Variants in PPIP5K2 observed in about 807,000 individuals in gnomAD.
The protein encoded by PPIP5K2 is inositol hexakisphosphate and diphosphoinositol-pentakisphosphate kinase 2.
A neutral mutation model predicts 154.6 loss-of-function variants in PPIP5K2; 105 were observed. The observed-to-expected ratio is 0.68, with a 90% confidence interval of 0.58 to 0.80. PPIP5K2 has a LOEUF of 0.80. Ranked by LOEUF, PPIP5K2 falls within the 30% of genes least tolerant of loss-of-function variation. PPIP5K2 has a pLI of 0.00. For missense variants in PPIP5K2, 992 were observed against 1,504.6 expected (o/e 0.66, Z 5.64); for synonymous variants, 480 against 490.3 (o/e 0.98, Z 0.28).
At chr5:103,151,511 A>T in intron 9 of PPIP5K2, 137 bp downstream of exon 9, 1 of 656,924 alleles carries the variant, frequency 1.5e-6, no homozygotes, top group Non-Finnish European at 2.5e-6. Context: ...ACCCCCAGAG[A>T]CTATGCCAGA....
chr5:103,124,340 G>A (rs150062619), intron 1 of PPIP5K2, among the ~76,000 whole-genome samples: 126 of 151,228 alleles, frequency 8.3e-4, no homozygotes, highest in African/African-American at 3.0e-3. Context: ...TGACAGAAAT[G>A]TATTTGAATT....
chr5:103,159,773 T>C (rs190264066), intron 17 of PPIP5K2, among the ~76,000 whole-genome samples: 15 of 152,318 alleles, frequency 9.8e-5, no homozygotes, highest in Admixed American at 8.5e-4. Context: ...TCCTTATTTA[T>C]TTGTGATGAG....
intron 2 of PPIP5K2, among the ~76,000 whole-genome samples, chr5:103,131,542 A>T (rs1790615962): frequency 6.6e-6 from 1 of 152,088 alleles, no homozygotes; most frequent in Non-Finnish European, 1.5e-5. Context: ...AATTTATTTT[A>T]TTATTACTGT....
At chr5:103,151,396 T>C (rs1461127529) in intron 9 of PPIP5K2, 22 bp downstream of exon 9, 3 of 1,557,594 alleles carry the variant, frequency 1.9e-6, no homozygotes, top group Non-Finnish European at 1.8e-6. Context: ...TAAATTTTTC[T>C]TTTTACCTTC....
intron 28 of PPIP5K2, 26 bp downstream of exon 28, chr5:103,187,402 A>G: frequency 6.8e-7 from 1 of 1,475,138 alleles, no homozygotes; most frequent in Non-Finnish European, 9.2e-7. Context: ...ATTTTAAAAG[A>G]TACTCCCCTG....
At chr5:103,164,710 C>G (rs1288735669) in intron 17 of PPIP5K2, among the ~76,000 whole-genome samples, 1 of 152,026 alleles carries the variant, frequency 6.6e-6, no homozygotes. Context: ...ATTTTTACTT[C>G]CCTTCAGTGG....
At chr5:103,152,593 C>A in intron 9 of PPIP5K2, 55 bp from the exon 10 acceptor site, 1 of 1,058,760 alleles carries the variant, frequency 9.4e-7, no homozygotes, top group South Asian at 1.3e-5. Context: ...TCATTAAGTA[C>A]CCAGTTTTGT....
In PPIP5K2 at chr5:103,177,596, A is replaced by G. The variant is rs968453471; in HGVS notation, c.2530-71A>G. 3 of 993,522 alleles carry G rather than the reference A, an allele frequency of 3.0e-6. No homozygotes were observed. In the African/African-American group the frequency reaches 4.9e-5, roughly 16 times the overall value. 61.5% of individuals were successfully genotyped at this position (993,522 alleles called of 1,614,324 possible). ...TATCACTAGGATTAAACAAGCTACCATAGTGACAATAAAGTGACTTTCAAG... is the reference window on the plus strand; with the variant it reads ...TATCACTAGGATTAAACAAGCTACCGTAGTGACAATAAAGTGACTTTCAAG... On this transcript the variant is annotated intron_variant, in intron 21 of 30. Coordinates refer to ENST00000358359, the MANE Select transcript of PPIP5K2 (RefSeq NM_001276277.3).
At position 103,186,420 on chromosome 5, in the gene PPIP5K2, C is replaced by G; in HGVS notation, c.3270C>G (p.Thr1090=). The G allele has an allele frequency of 6.2e-7, 1 of 1,613,904 alleles. No individual in the cohort carries two copies. The highest frequency in any genetic ancestry group is 1.1e-5 in the South Asian group (1 of 91,076). The part of the protein sequence containing the change: ...DYARTHRKKL[T]SSGCIDDATR... ...CTCGTACTCATCGTAAAAAGCTGAC[C>G]TCTTCTGGCTGCATAGATGGTATGT... Residue 1090 remains threonine, a synonymous_variant, in exon 27 of 31, where the codon ACC becomes ACG. Transcript: ENST00000358359.
chr5:103,211,703 G>T lies in PPIP5K2; in HGVS notation c.*10069G>T, dbSNP rs1213802798. 1 of 152,034 alleles carries T rather than the reference G, an allele frequency of 6.6e-6. No homozygotes were observed. The highest frequency in any genetic ancestry group is 1.9e-4 in the East Asian group (1 of 5,188). The allele number at this position is 152,034 out of a possible 1,614,324, so 9.4% of individuals were successfully genotyped here. A position where few individuals can be genotyped will look rare whatever the true frequency, so the allele number is the denominator to read the frequency against. Reference sequence around the variant, plus strand: ...ACAGGCATTCCTTCTCTAAATGTGTGCTGAATGCTGGTTATAAACCAGTTA... The same window carrying T: ...ACAGGCATTCCTTCTCTAAATGTGTTCTGAATGCTGGTTATAAACCAGTTA... On this transcript the variant is annotated 3_prime_UTR_variant, in exon 31 of 31. Coordinates refer to ENST00000358359, the MANE Select transcript of PPIP5K2 (RefSeq NM_001276277.3).
chr5:103,184,742 T>G lies in PPIP5K2; in HGVS notation c.3167T>G (p.Val1056Gly). ...TLVEQKQNPT[V>G]GSHCAGLFST... is the part of the protein sequence containing the mutation. ...GTGGAACAGAAGCAGAATCCTACTG[T>G]AGGTATGTGGTGTAAAGGAAATTGT... The change falls in exon 26 of 31, where the codon GTA becomes GGA. Residue 1056 changes from valine (V) to glycine (G), a missense_variant and splice_region_variant. By Grantham distance (109) the Val-to-Gly change is moderately radical. Coordinates refer to ENST00000358359, the MANE Select transcript of PPIP5K2 (RefSeq NM_001276277.3). 3.7e-6 allele frequency: 6 copies of G among 1,610,276 alleles called. No individual in the cohort carries two copies. Among genetic ancestry groups the G allele is most frequent in the Non-Finnish European group, 5.1e-6 (6 of 1,176,736 alleles).
intron 21 of PPIP5K2, chr5:103,176,822 A>G (rs1798788673): frequency 5.1e-6 from 6 of 1,175,750 alleles, no homozygotes; most frequent in Non-Finnish European, 7.1e-6. Flanking sequence ...CATGTTCTCT[A>G]AGATCCTTTT....
At chr5:103,142,384 C>G (rs1377296141) in intron 5 of PPIP5K2, among the ~76,000 whole-genome samples, 1 of 152,204 alleles carries the variant, frequency 6.6e-6, no homozygotes. Context: ...CCCGCAAGCA[C>G]CGCCCCGCAG....
At chr5:103,123,069 G>T (rs1436549916) in intron 1 of PPIP5K2, among the ~76,000 whole-genome samples, 1 of 152,194 alleles carries the variant, frequency 6.6e-6, no homozygotes, top group Non-Finnish European at 1.5e-5. Flanking sequence ...GAGGTAAGTA[G>T]ATACATTCTA....
chr5:103,191,105 G>T, intron 29 of PPIP5K2, 123 bp downstream of exon 29: 1 of 792,962 alleles, frequency 1.3e-6, no homozygotes, highest in Non-Finnish European at 1.9e-6. Flanking sequence ...ACAAAGGGGA[G>T]TGTAAAGGGA....
At chr5:103,138,010 A>G (rs1479216400) in intron 4 of PPIP5K2, among the ~76,000 whole-genome samples, 1 of 152,168 alleles carries the variant, frequency 6.6e-6, no homozygotes, top group Non-Finnish European at 1.5e-5. Flanking sequence ...TATGCTGTGA[A>G]CATTTCTCCA....
chr5:103,169,316 C>T (rs1554218897), intron 19 of PPIP5K2, among the ~76,000 whole-genome samples: 1 of 151,478 alleles, frequency 6.6e-6, no homozygotes, highest in Non-Finnish European at 1.5e-5. Flanking sequence ...GGTATTCCAA[C>T]CGTGGACTAC....
In PPIP5K2 at chr5:103,212,047, T is replaced by A. The variant is rs114024431; in HGVS notation, c.*10413T>A. 1 of 152,074 alleles carries A rather than the reference T, an allele frequency of 6.6e-6. No individual in the cohort carries two copies. The highest frequency in any genetic ancestry group is 6.6e-5 in the Admixed American group (1 of 15,246). 9.4% of individuals were successfully genotyped at this position (152,074 alleles called of 1,614,324 possible). On this transcript the variant is annotated 3_prime_UTR_variant, in exon 31 of 31. Coordinates refer to ENST00000358359, the MANE Select transcript of PPIP5K2 (RefSeq NM_001276277.3). ...GGTTTTGGTTTTGGTTTTGGTTTTG[T>A]TTTTTTGGTCAACATGAATTATAGC...
intron 8 of PPIP5K2, among the ~76,000 whole-genome samples, chr5:103,150,533 G>T (rs782670829): frequency 6.6e-6 from 1 of 152,270 alleles, no homozygotes; most frequent in South Asian, 2.1e-4. Context: ...AGCACTTTGG[G>T]GGTGCTGAGG....
Sources: allele counts gnomAD v4.1 joint callset (sites outside exome capture counted in the v4.1 genomes callset), GRCh38; gene constraint gnomAD v4.1.1; transcripts MANE v1.5; gene names NCBI Gene and HGNC (gene_info 2026-07-23, HGNC 2026-07-21).